Variants in UBE2U observed in about 807,000 individuals in gnomAD.
UBE2U encodes ubiquitin conjugating enzyme E2 U, also known as ubiquitin-conjugating enzyme E2 U.
Under a neutral mutation model 41.2 loss-of-function variants are expected in UBE2U, and 39 were observed. The observed-to-expected ratio is 0.95, with a 90% CI of 0.73 to 1.24. UBE2U has a LOEUF of 1.24. Ranked by LOEUF, UBE2U falls within the 50% of genes most tolerant of loss-of-function variation. The probability of loss-of-function intolerance (pLI) is 0.00; values close to 1 mark genes in which losing one functional copy is unlikely to be tolerated. For missense variants in UBE2U, 336 were observed against 363.1 expected (o/e 0.93, Z 0.61); for synonymous variants, 107 against 117.8 (o/e 0.91, Z 0.60).
chr1:64,239,158 AAGAAGAAGAAGAAGAAGAAGAAG>A, intron 7 of UBE2U, among the ~76,000 whole-genome samples: 2 of 12,478 alleles, frequency 1.6e-4, no homozygotes, highest in East Asian at 2.5e-3. Context: ...AAGAAGAAGA[AAGAAGAAGAAGAAGAAGAAGAAG>A]AAGAAGAAGA....
intron 4 of UBE2U, among the ~76,000 whole-genome samples, chr1:64,213,341 C>T (rs1651774372): frequency 6.6e-6 from 1 of 152,226 alleles, no homozygotes; most frequent in Non-Finnish European, 1.5e-5. Flanking sequence ...TTCTCCTCTT[C>T]TCTTCCTCAG....
At chr1:64,263,206 T>C (rs905819922) in intron 9 of UBE2U, among the ~76,000 whole-genome samples, 1 of 152,276 alleles carries the variant, frequency 6.6e-6, no homozygotes, top group African/African-American at 2.4e-5. Context: ...GAGGTTGTGG[T>C]AAATTTGATT....
intron 8 of UBE2U, among the ~76,000 whole-genome samples, chr1:64,259,166 G>A (rs1392540679): frequency 6.6e-6 from 1 of 152,090 alleles, no homozygotes; most frequent in Non-Finnish European, 1.5e-5. Context: ...TTTTGACGGG[G>A]TTGTTTGTTT....
rs1557730141 is a variant in UBE2U at position 64,239,124 on chromosome 1, A to AAGGAGAAGG, written c.596-2526_596-2525insGAGAAGGAG. On this transcript the variant is annotated intron_variant, in intron 7 of 9. Transcript: ENST00000371077. ...GAAGAAGAAGAAGAAGAAGAAGAAG[A>AAGGAGAAGG]AGAAGAAGAAGAAGAAGAAGAAGAA... Among the ~76,000 whole-genome samples, 18 of 22,472 alleles carry AAGGAGAAGG rather than the reference A, an allele frequency of 8.0e-4. 1 individual carries two copies. Among genetic ancestry groups the AAGGAGAAGG allele is most frequent in the African/African-American group, 3.4e-3 (17 of 5,002 alleles). The allele number at this position is 22,472 out of a possible 152,430, so 14.7% of individuals were successfully genotyped here. A position where few individuals can be genotyped will look rare whatever the true frequency, so the allele number is the denominator to read the frequency against.
At chr1:64,209,005 A>G (rs1202484902) in intron 3 of UBE2U, among the ~76,000 whole-genome samples, 1 of 152,258 alleles carries the variant, frequency 6.6e-6, no homozygotes, top group African/African-American at 2.4e-5. Context: ...GTATATTTGT[A>G]TAGACCAACT....
chr1:64,215,026 A>G (rs1051317237), intron 5 of UBE2U, 94 bp downstream of exon 5: 10 of 892,364 alleles, frequency 1.1e-5, no homozygotes, highest in Non-Finnish European at 1.6e-5. Context: ...TGAGGTCCGG[A>G]GTTCGAGACC....
chr1:64,257,416 G>A (rs1309053000), intron 8 of UBE2U, among the ~76,000 whole-genome samples: 1 of 152,164 alleles, frequency 6.6e-6, no homozygotes, highest in Non-Finnish European at 1.5e-5. Context: ...ACACACCATG[G>A]AATACTATGC....
intron 7 of UBE2U, among the ~76,000 whole-genome samples, chr1:64,237,836 G>T (rs1181757337): frequency 6.6e-6 from 1 of 152,114 alleles, no homozygotes; most frequent in Non-Finnish European, 1.5e-5. Context: ...GTCATTTGGG[G>T]TTTCATAATA....
At chr1:64,212,478 A>C (rs1651719793) in intron 4 of UBE2U, among the ~76,000 whole-genome samples, 1 of 152,108 alleles carries the variant, frequency 6.6e-6, no homozygotes, top group African/African-American at 2.4e-5. Context: ...CAATGTCTCA[A>C]TTTCTTCATC....
intron 8 of UBE2U, among the ~76,000 whole-genome samples, chr1:64,255,281 A>T (rs1477224937): frequency 6.6e-6 from 1 of 152,082 alleles, no homozygotes; most frequent in Non-Finnish European, 1.5e-5. Context: ...ATAATAGCCT[A>T]CCAACCAAAA....
intron 8 of UBE2U, among the ~76,000 whole-genome samples, chr1:64,255,377 C>CA (rs982299364): frequency 5.3e-5 from 8 of 151,486 alleles, no homozygotes; most frequent in Admixed American, 2.0e-4. Context: ...GAAACTATTC[C>CA]AAAAAAAATT....
At chr1:64,241,912 G>C (rs1644841181) in intron 8 of UBE2U, among the ~76,000 whole-genome samples, 179 bp downstream of exon 8, 1 of 152,090 alleles carries the variant, frequency 6.6e-6, no homozygotes, top group Admixed American at 6.6e-5. Context: ...TATGAACCCA[G>C]GTAGGAAATA....
At chr1:64,222,764 TTAA>T (rs745527118) in intron 6 of UBE2U, among the ~76,000 whole-genome samples, 3 of 152,238 alleles carry the variant, frequency 2.0e-5, no homozygotes, top group African/African-American at 4.8e-5. Context: ...GATGCTGCTG[TTAA>T]TATTGTGTGT....
chr1:64,243,284 T>C (rs1046883135), intron 8 of UBE2U, among the ~76,000 whole-genome samples: 36 of 152,168 alleles, frequency 2.4e-4, no homozygotes, highest in South Asian at 8.3e-4. Context: ...TAAAAAGATA[T>C]TATATTTATC....
chr1:64,216,944 A>G (rs1652064468), intron 5 of UBE2U, among the ~76,000 whole-genome samples: 1 of 152,130 alleles, frequency 6.6e-6, no homozygotes, highest in Non-Finnish European at 1.5e-5. Flanking sequence ...GTCCTGGTAT[A>G]ATTATTCCCA....
At chr1:64,265,767 AG>A (rs1645245849) in intron 9 of UBE2U, among the ~76,000 whole-genome samples, 1 of 152,120 alleles carries the variant, frequency 6.6e-6, no homozygotes, top group Admixed American at 6.5e-5. Flanking sequence ...TAGTAGAGAC[AG>A]GGTTTCACCA....
chr1:64,266,576 C>T (rs1036160904), intron 9 of UBE2U, among the ~76,000 whole-genome samples: 1 of 152,186 alleles, frequency 6.6e-6, no homozygotes, highest in African/African-American at 2.4e-5. Flanking sequence ...TCACCCCTAA[C>T]CCTGTCAAGT....
chr1:64,267,047 A>G lies in UBE2U; in HGVS notation c.793A>G (p.Thr265Ala), dbSNP rs1289856941. 6.5e-7 allele frequency: 1 copy of G among 1,548,944 alleles called. No individual in the cohort carries two copies. Among genetic ancestry groups the G allele is most frequent in the Non-Finnish European group, 8.7e-7 (1 of 1,146,666 alleles). Residue 265 changes from threonine (T) to alanine (A), a missense_variant, in exon 10 of 10, where the codon ACT becomes GCT. Thr to Ala is a moderately conservative substitution (Grantham distance 58). Coordinates refer to ENST00000371077, the MANE Select transcript of UBE2U (RefSeq NM_001366232.2). ...AGATGAAATTTTTCTTGAGTCACCA[A>G]CTGCAATAAATAGCATCACAGACAT... Reference protein sequence around the residue: ...TLNEIFLESPTAINSITDIYE... With the variant: ...TLNEIFLESPAAINSITDIYE...
chr1:64,217,944 C>T (rs557493710), intron 5 of UBE2U, among the ~76,000 whole-genome samples: 1 of 152,204 alleles, frequency 6.6e-6, no homozygotes, highest in South Asian at 2.1e-4. Context: ...CCAGTTTGTT[C>T]ACTGGGTTTA....
Sources: gnomAD v4.1 joint callset for allele counts (sites outside exome capture counted in the v4.1 genomes callset) on GRCh38, gnomAD v4.1.1 for gene constraint, MANE v1.5 for transcripts, NCBI Gene and HGNC (gene_info 2026-07-23, HGNC 2026-07-21) for gene names.